The following AGBL4 variants were observed in gnomAD, a reference collection of about 807,000 sequenced individuals.
AGBL4 encodes the protein cytosolic carboxypeptidase 6.
AGBL4 carries 58 observed loss-of-function variants against 66.4 expected under a neutral mutation model. The observed-to-expected ratio is 0.87, with a 90% CI of 0.71 to 1.09. AGBL4 has a LOEUF of 1.09. AGBL4 is among the 50% of genes least tolerant of loss of function. The pLI is 0.00. For synonymous variants in AGBL4, 234 were observed against 222.9 expected (o/e 1.05, Z -0.44); for missense variants, 579 against 631.0 (o/e 0.92, Z 0.88).
At chr1:48,767,764 C>T (rs573492043) in intron 6 of AGBL4, among the ~76,000 whole-genome samples, 1 of 152,296 alleles carries the variant, frequency 6.6e-6, no homozygotes, top group African/African-American at 2.4e-5. Context: ...AAATGTGCAG[C>T]CTCTGAAGAT....
intron 9 of AGBL4, among the ~76,000 whole-genome samples, chr1:48,610,209 T>C (rs902884171): frequency 3.9e-5 from 6 of 152,338 alleles, no homozygotes; most frequent in African/African-American, 1.4e-4. Flanking sequence ...AATCCAATAT[T>C]GGCTTTGTCT....
At chr1:49,618,514 T>C (rs1331701368) in intron 3 of AGBL4, among the ~76,000 whole-genome samples, 1 of 152,100 alleles carries the variant, frequency 6.6e-6, no homozygotes, top group South Asian at 2.1e-4. Context: ...CCAGACAGAT[T>C]CACAGGCAAA....
At chr1:49,497,800 ATGT>A (rs1647743799) in intron 3 of AGBL4, among the ~76,000 whole-genome samples, 1 of 151,924 alleles carries the variant, frequency 6.6e-6, no homozygotes, top group Non-Finnish European at 1.5e-5. Flanking sequence ...TTTTAAAATC[ATGT>A]AGTGTGATGC....
chr1:49,357,814 C>T (rs1021443448), intron 3 of AGBL4, among the ~76,000 whole-genome samples: 2 of 152,130 alleles, frequency 1.3e-5, no homozygotes, highest in Non-Finnish European at 2.9e-5. Flanking sequence ...GTCCTGCTTA[C>T]CTGTGCAAAC....
At chr1:49,442,899 C>T (rs954922895) in intron 3 of AGBL4, among the ~76,000 whole-genome samples, 2 of 152,104 alleles carry the variant, frequency 1.3e-5, no homozygotes, top group African/African-American at 2.4e-5. Flanking sequence ...ATTCCCACCA[C>T]GTGTATAAAA....
intron 2 of AGBL4, among the ~76,000 whole-genome samples, chr1:49,810,818 G>A (rs978699347): frequency 2.0e-5 from 3 of 152,098 alleles, no homozygotes; most frequent in Admixed American, 6.6e-5. Flanking sequence ...TTAAATCTAT[G>A]CTTCAGGAAA....
At chr1:48,569,195 A>G (rs1299362067) in intron 11 of AGBL4, among the ~76,000 whole-genome samples, 20 of 152,176 alleles carry the variant, frequency 1.3e-4, no homozygotes, top group Admixed American at 1.0e-3. Context: ...TTGACCCATC[A>G]TCCATACTTG....
chr1:49,971,907 G>GTTGTTTGTTTTTTT, intron 1 of AGBL4, among the ~76,000 whole-genome samples: 1 of 23,428 alleles, frequency 4.3e-5, no homozygotes, highest in Non-Finnish European at 7.9e-5. Context: ...GTTTTTTTGG[G>GTTGTTTGTTTTTTT]TTTTTTTTTT....
At chr1:49,763,952 A>C (rs941405714) in intron 2 of AGBL4, among the ~76,000 whole-genome samples, 2 of 152,102 alleles carry the variant, frequency 1.3e-5, no homozygotes, top group African/African-American at 4.8e-5. Context: ...TTGTCATGCA[A>C]GGCTTGCTGG....
At chr1:49,916,734 C>T (rs6588368) in intron 1 of AGBL4, among the ~76,000 whole-genome samples, 104,291 of 151,908 alleles carry the variant, frequency 0.69, 36,575 homozygotes, top group African/African-American at 0.79. Flanking sequence ...ATACAGAGAA[C>T]GCCACAAAGA....
chr1:49,716,623 A>G (rs1427467700), intron 2 of AGBL4, among the ~76,000 whole-genome samples: 1 of 152,160 alleles, frequency 6.6e-6, no homozygotes, highest in Admixed American at 6.6e-5. Context: ...CTGGTTCAAC[A>G]TACGCAAATC....
At chr1:49,443,121 T>C (rs756151400) in intron 3 of AGBL4, among the ~76,000 whole-genome samples, 1 of 152,146 alleles carries the variant, frequency 6.6e-6, no homozygotes, top group South Asian at 2.1e-4. Flanking sequence ...TTTAATGAGA[T>C]TATTTACTTT....
chr1:48,758,870 G>C, intron 6 of AGBL4: 1 of 1,470,732 alleles, frequency 6.8e-7, no homozygotes. Context: ...CACCCAAGTG[G>C]AGTGGTAGGT....
intron 6 of AGBL4, among the ~76,000 whole-genome samples, chr1:48,851,954 GAGA>G (rs1647042600): frequency 6.8e-6 from 1 of 147,354 alleles, no homozygotes. Context: ...ACCATCCTCA[GAGA>G]AGAACTTCCC....
chr1:49,320,269 A>C (rs533613247), intron 3 of AGBL4, among the ~76,000 whole-genome samples: 6 of 152,280 alleles, frequency 3.9e-5, no homozygotes, highest in African/African-American at 1.4e-4. Context: ...AGGGAAAAAA[A>C]AAATTTAAAC....
chr1:49,686,863 T>C (rs1646796645), intron 3 of AGBL4, among the ~76,000 whole-genome samples: 1 of 152,116 alleles, frequency 6.6e-6, no homozygotes, highest in African/African-American at 2.4e-5. Context: ...ACACAGTAAA[T>C]AGTTGAAGTA....
chr1:49,285,919 T>A (rs2148415149), intron 3 of AGBL4, among the ~76,000 whole-genome samples: 1 of 152,266 alleles, frequency 6.6e-6, no homozygotes, highest in East Asian at 1.9e-4. Flanking sequence ...AAAAAGAGAA[T>A]TTTACACCAA....
At chr1:48,684,511 C>A (rs1409770984) in intron 6 of AGBL4, among the ~76,000 whole-genome samples, 3 of 152,118 alleles carry the variant, frequency 2.0e-5, no homozygotes, top group African/African-American at 7.2e-5. Context: ...TGGAATGTGA[C>A]TGGTAGTATG....
chr1:49,909,266 A>G (rs1448852599), intron 1 of AGBL4, among the ~76,000 whole-genome samples: 2 of 152,074 alleles, frequency 1.3e-5, no homozygotes, highest in African/African-American at 2.4e-5. Flanking sequence ...ACATTCATAC[A>G]CACACACACA....
Sources: gnomAD v4.1 joint callset for allele counts (sites outside exome capture counted in the v4.1 genomes callset) on GRCh38, gnomAD v4.1.1 for gene constraint, MANE v1.5 for transcripts, NCBI Gene and HGNC (gene_info 2026-07-23, HGNC 2026-07-21) for gene names.